Variants in STIM2 observed in about 807,000 individuals in gnomAD.
STIM2 encodes stromal interaction molecule 2.
Under a neutral mutation model 85.8 loss-of-function variants are expected in STIM2, and 31 were observed. The ratio of observed to expected loss-of-function variants is 0.36; its 90% CI spans 0.27 to 0.49. The LOEUF (loss-of-function observed/expected upper bound fraction) is 0.49. STIM2 is among the 20% of genes least tolerant of loss of function. STIM2 has a pLI of 0.98. For synonymous variants in STIM2, 356 were observed against 331.1 expected (o/e 1.08, Z -0.82); for missense variants, 841 against 927.6 (o/e 0.91, Z 1.21).
chr4:26,893,683 C>T (rs78116961), intron 1 of STIM2, among the ~76,000 whole-genome samples: 1,695 of 152,252 alleles, frequency 0.011, 18 homozygotes, highest in Non-Finnish European at 0.015. Context: ...TAGGTGATAT[C>T]AGCTTTCCTT....
chr4:26,975,132 A>T (rs1162214698), intron 3 of STIM2, among the ~76,000 whole-genome samples: 5 of 152,038 alleles, frequency 3.3e-5, no homozygotes, highest in Admixed American at 3.3e-4. Flanking sequence ...CTAGTTAGCC[A>T]TTCGTCTAAT....
chr4:27,015,728 T>C (rs1728708286), intron 10 of STIM2, among the ~76,000 whole-genome samples: 1 of 151,952 alleles, frequency 6.6e-6, no homozygotes, highest in Admixed American at 6.6e-5. Flanking sequence ...TTGAAAAATA[T>C]TCTCATTGTC....
At chr4:26,968,191 C>T (rs1726804361) in intron 3 of STIM2, among the ~76,000 whole-genome samples, 1 of 151,958 alleles carries the variant, frequency 6.6e-6, no homozygotes, top group Non-Finnish European at 1.5e-5. Context: ...CATTAACCTT[C>T]AGGAAATTTA....
rs150484445 is a variant in STIM2 at position 27,022,836 on chromosome 4, G to A, written c.2081G>A (p.Arg694His). The A allele has an allele frequency of 4.3e-5, 69 of 1,613,992 alleles. No homozygotes were observed. The highest frequency in any genetic ancestry group is 6.7e-5 in the African/African-American group (5 of 74,890). ...AGTGGCATCCCGGTGCCTAAACCTC[G>A]CCACACATCATGTTCCTCAGCTGGC... is the stretch of plus-strand genomic sequence containing the variant. Residue 694 changes from arginine (R) to histidine (H), a missense_variant, in exon 12 of 12, where the codon CGC becomes CAC. Coordinates refer to ENST00000467087, the MANE Select transcript of STIM2 (RefSeq NM_020860.4).
intron 1 of STIM2, among the ~76,000 whole-genome samples, chr4:26,877,199 C>CT (rs940123316): frequency 7.6e-4 from 115 of 151,768 alleles, no homozygotes; most frequent in Non-Finnish European, 3.2e-4. Context: ...CACACCTTCC[C>CT]TTTTTTTTCT....
chr4:26,955,024 A>T (rs1726192471), intron 2 of STIM2, among the ~76,000 whole-genome samples: 1 of 146,672 alleles, frequency 6.8e-6, no homozygotes, highest in South Asian at 2.2e-4. Flanking sequence ...TTTTCTTAGA[A>T]ATTTCTTAGA....
In STIM2 at chr4:27,022,708, C is replaced by T. The variant is rs751622149; in HGVS notation, c.1953C>T (p.Pro651=). ...CTGTGGATGTGTCTTGGGGTTCTCC[C>T]GACTGTGTAGGTCTGACAGAAACTA... Residue 651 remains proline, a synonymous_variant, in exon 12 of 12, where the codon CCC becomes CCT. Transcript: ENST00000467087. The T allele has an allele frequency of 3.2e-5, 52 of 1,614,100 alleles. No individual in the cohort carries two copies. The highest frequency in any genetic ancestry group is 1.6e-4 in the African/African-American group (12 of 74,934).
At chr4:26,911,006 G>A (rs1256581226) in intron 1 of STIM2, among the ~76,000 whole-genome samples, 1 of 152,272 alleles carries the variant, frequency 6.6e-6, no homozygotes, top group East Asian at 1.9e-4. Flanking sequence ...AGAGGCTGAG[G>A]CGGGCAGATC....
intron 3 of STIM2, among the ~76,000 whole-genome samples, chr4:26,993,927 A>C (rs1030245529): frequency 6.6e-6 from 1 of 152,264 alleles, no homozygotes; most frequent in African/African-American, 2.4e-5. Context: ...AATAAAGATA[A>C]TTATGTTAGA....
chr4:26,919,479 G>A (rs1438964109), intron 1 of STIM2, 25 bp from the exon 2 acceptor site: 1 of 1,612,190 alleles, frequency 6.2e-7, no homozygotes. Flanking sequence ...TGGCAAGTTA[G>A]TAATTGCCCT....
chr4:26,979,939 T>A (rs1419333311), intron 3 of STIM2, among the ~76,000 whole-genome samples: 1 of 152,208 alleles, frequency 6.6e-6, no homozygotes, highest in Admixed American at 6.5e-5. Context: ...TTTTATTTTC[T>A]TTTTATAGAG....
At chr4:26,931,297 A>C (rs1376916489) in intron 2 of STIM2, among the ~76,000 whole-genome samples, 1 of 152,168 alleles carries the variant, frequency 6.6e-6, no homozygotes, top group African/African-American at 2.4e-5. Context: ...GAAGTGAGTT[A>C]CTAGGTCCAG....
At chr4:26,912,038 A>T (rs1194858919) in intron 1 of STIM2, among the ~76,000 whole-genome samples, 1 of 152,166 alleles carries the variant, frequency 6.6e-6, no homozygotes, top group East Asian at 1.9e-4. Flanking sequence ...GAAAAATGAC[A>T]CCTGAAAATT....
At chr4:26,911,978 A>G (rs550746452) in intron 1 of STIM2, among the ~76,000 whole-genome samples, 2 of 152,338 alleles carry the variant, frequency 1.3e-5, no homozygotes, top group East Asian at 3.9e-4. Flanking sequence ...GAAGAGAAGG[A>G]AGACATTATT....
At chr4:26,915,394 C>G (rs1724498617) in intron 1 of STIM2, among the ~76,000 whole-genome samples, 1 of 151,958 alleles carries the variant, frequency 6.6e-6, no homozygotes, top group Non-Finnish European at 1.5e-5. Flanking sequence ...GCCACTATGC[C>G]CGGCTAATTT....
chr4:27,002,679 A>C (rs1728199476), intron 6 of STIM2, among the ~76,000 whole-genome samples: 5 of 152,176 alleles, frequency 3.3e-5, no homozygotes, highest in Admixed American at 3.3e-4. Context: ...AATAATTAGG[A>C]ATTTTTGAAA....
intron 3 of STIM2, among the ~76,000 whole-genome samples, chr4:26,980,051 A>C (rs1727327657): frequency 6.6e-6 from 1 of 152,214 alleles, no homozygotes; most frequent in Admixed American, 6.5e-5. Context: ...GGCGTGAGCC[A>C]CTGGGCCCAG....
At chr4:27,011,905 T>C (rs893581418) in intron 10 of STIM2, among the ~76,000 whole-genome samples, 4 of 152,186 alleles carry the variant, frequency 2.6e-5, no homozygotes, top group Non-Finnish European at 5.9e-5. Context: ...TTGTGTTTTT[T>C]ATGTCTTTTT....
intron 5 of STIM2, among the ~76,000 whole-genome samples, chr4:27,000,106 T>C (rs1441395896): frequency 6.6e-6 from 1 of 152,132 alleles, no homozygotes; most frequent in African/African-American, 2.4e-5. Context: ...AAAAATGCCT[T>C]CCACAAGTTA....
Sources: allele counts gnomAD v4.1 joint callset (sites outside exome capture counted in the v4.1 genomes callset), GRCh38; gene constraint gnomAD v4.1.1; transcripts MANE v1.5; gene names NCBI Gene and HGNC (gene_info 2026-07-23, HGNC 2026-07-21).